The following ANO9 variants were observed in gnomAD, a reference collection of about 807,000 sequenced individuals.
ANO9 encodes the protein anoctamin-9.
ANO9 carries 80 observed loss-of-function variants against 100.5 expected under a neutral mutation model. The observed-to-expected ratio is 0.80, with a 90% CI of 0.66 to 0.96. The LOEUF (loss-of-function observed/expected upper bound fraction) is 0.96. Ranked by LOEUF, ANO9 falls within the 40% of genes least tolerant of loss-of-function variation. The pLI is 0.00. For synonymous variants in ANO9, 473 were observed against 435.6 expected (o/e 1.09, Z -1.07); for missense variants, 1,064 against 1,072.7 (o/e 0.99, Z 0.11).
At chr11:419,156 C>T (rs562191228) in intron 20 of ANO9, 167 bp from the exon 21 acceptor site, 52 of 1,444,676 alleles carry the variant, frequency 3.6e-5, no homozygotes, top group South Asian at 8.7e-5. Flanking sequence ...TCTTCACATC[C>T]GGGGGCCTTG....
Position 428,829 on chromosome 11 carries a change from G to T in ANO9, c.916-3C>A. ...ATGAGCTGAAGTGCCATTTCCTCCT[G>T]GGGAGAGCACCGGGCAAGCCTCAGA... On this transcript the variant is annotated splice_region_variant and splice_polypyrimidine_tract_variant and intron_variant, in intron 11 of 22. Transcript: ENST00000332826. 1 of 1,612,788 alleles carries T rather than the reference G, an allele frequency of 6.2e-7. No homozygotes were observed. The highest frequency in any genetic ancestry group is 8.5e-7 in the Non-Finnish European group (1 of 1,179,784).
chr11:427,243 A>AG (rs770326671), intron 15 of ANO9, among the ~76,000 whole-genome samples: 1 of 151,974 alleles, frequency 6.6e-6, no homozygotes, highest in Non-Finnish European at 1.5e-5. Context: ...CCAGCCACTC[A>AG]GGAGGCTGAG....
At chr11:429,017 C>T (rs1391233864) in intron 11 of ANO9, among the ~76,000 whole-genome samples, 191 bp from the exon 12 acceptor site, 3 of 131,678 alleles carry the variant, frequency 2.3e-5, no homozygotes, top group African/African-American at 6.0e-5. Context: ...TGGACAGACA[C>T]GGGACACTCA....
At chr11:427,957 C>T (rs1848619812) in intron 15 of ANO9, 131 bp downstream of exon 15, 1 of 315,050 alleles carries the variant, frequency 3.2e-6, no homozygotes, top group African/African-American at 2.2e-5. Context: ...GCTCACATGT[C>T]TCTAGATTGG....
intron 15 of ANO9, among the ~76,000 whole-genome samples, chr11:425,504 C>A (rs1848458592): frequency 2.0e-5 from 3 of 148,430 alleles, no homozygotes; most frequent in African/African-American, 7.5e-5. Flanking sequence ...ATAAATGTTA[C>A]AAATATGATG....
chr11:431,841 C>A lies in ANO9; in HGVS notation c.465+7G>T. 6.2e-7 allele frequency: 1 copy of A among 1,611,180 alleles called. No individual in the cohort carries two copies. The highest frequency in any genetic ancestry group is 8.5e-7 in the Non-Finnish European group (1 of 1,178,658). ...CAGGGCCCTCTCCAGGCCAGCCCAC[C>A]CCTCACCTTGTGCAGGGGGAACCTG... On this transcript the variant is annotated splice_region_variant and intron_variant, in intron 6 of 22. Coordinates refer to ENST00000332826, the MANE Select transcript of ANO9 (RefSeq NM_001012302.3).
At position 421,733 on chromosome 11, in the gene ANO9, C is replaced by A. The variant is rs924269565; in HGVS notation, c.1335-535G>T. Among the ~76,000 whole-genome samples, 1 of 152,206 alleles carries A rather than the reference C, an allele frequency of 6.6e-6. No homozygotes were observed. The highest frequency in any genetic ancestry group is 1.5e-5 in the Non-Finnish European group (1 of 68,038). ...GTTACGAGTGGCCTCGGTTTCTCCC[C>A]GTGGAAACGGCACGATGGGTTATTT... On this transcript the variant is annotated intron_variant, in intron 15 of 22. Transcript: ENST00000332826. This position sits in a 1 kb window ranked among gnomAD's most constrained non-coding sequence, Gnocchi z 6.8.
chr11:428,729 A>G lies in ANO9; in HGVS notation c.1013T>C (p.Leu338Pro), dbSNP rs1187545608. Residue 338 changes from leucine to proline, a missense_variant, in exon 12 of 23, where the codon CTG becomes CCG. Transcript: ENST00000332826. ...LRSTVILVLT[L>P]LMICLMIGMA... ...GCGGTGTCCCCTGCGTACCATGAGC[A>G]GGGTCAGGACGAGGATGACGGTGCT... 6.2e-7 allele frequency: 1 copy of G among 1,613,150 alleles called. No homozygotes were observed. The highest frequency in any genetic ancestry group is 1.3e-5 in the African/African-American group (1 of 74,942).
intron 1 of ANO9, among the ~76,000 whole-genome samples, chr11:436,700 G>A (rs1257725682): frequency 2.1e-5 from 2 of 95,784 alleles, no homozygotes; most frequent in Admixed American, 1.2e-4. Context: ...GTGAGCAGGG[G>A]GTAAGCAGGG....
intron 7 of ANO9, 38 bp from the exon 8 acceptor site, chr11:430,441 C>T (rs375510350): frequency 1.0e-4 from 75 of 732,978 alleles, no homozygotes; most frequent in African/African-American, 5.0e-4. Flanking sequence ...TGTCAGGGGG[C>T]GGTGGGGGAG....
chr11:424,548 T>C (rs2133686362), intron 15 of ANO9, among the ~76,000 whole-genome samples: 1 of 152,304 alleles, frequency 6.6e-6, no homozygotes, highest in Middle Eastern at 3.4e-3. Flanking sequence ...GGGCAATGGA[T>C]GTAGCTACTA....
intron 11 of ANO9, among the ~76,000 whole-genome samples, chr11:429,267 CA>C (rs1848731377): frequency 7.2e-6 from 1 of 139,536 alleles, no homozygotes; most frequent in Non-Finnish European, 1.5e-5. Flanking sequence ...GGTGGACAGA[CA>C]CGGGACACTC....
Position 421,008 on chromosome 11 carries a change from A to T in ANO9, c.1427T>A (p.Val476Glu). The change falls in exon 17 of 23, where the codon GTG becomes GAG. Residue 476 changes from valine (V) to glutamate (E), a missense_variant. Coordinates refer to ENST00000332826, the MANE Select transcript of ANO9 (RefSeq NM_001012302.3). The surrounding 1 kb of genome is among the most constrained non-coding windows in gnomAD (Gnocchi z 6.8). ...CAGGCCCATGATGATGGCCATCTGC[A>T]CGAAGAGGTCCATCATGCAGCCGCT... ...HASGCMMDLF[V>E]QMAIIMGLKQ... 6.2e-7 allele frequency: 1 copy of T among 1,605,986 alleles called. No individual in the cohort carries two copies. The highest frequency in any genetic ancestry group is 8.5e-7 in the Non-Finnish European group (1 of 1,174,682).
intron 1 of ANO9, among the ~76,000 whole-genome samples, chr11:435,045 C>T (rs1332710030): frequency 6.6e-6 from 1 of 152,162 alleles, no homozygotes; most frequent in Non-Finnish European, 1.5e-5. Context: ...GCCACCCAGT[C>T]ACACCTGATT....
At chr11:441,729 C>G (rs1357465830) in intron 1 of ANO9, among the ~76,000 whole-genome samples, 192 bp downstream of exon 1, 3 of 152,172 alleles carry the variant, frequency 2.0e-5, no homozygotes, top group Non-Finnish European at 4.4e-5. Flanking sequence ...CCCCAGCGTG[C>G]CCCAGGAGTC....
At chr11:435,195 C>T (rs556278518) in intron 1 of ANO9, among the ~76,000 whole-genome samples, 1 of 151,704 alleles carries the variant, frequency 6.6e-6, no homozygotes, top group Non-Finnish European at 1.5e-5. Context: ...CATAGGATAG[C>T]ATAGCATAGT....
chr11:425,044 C>T (rs1401678184), intron 15 of ANO9, among the ~76,000 whole-genome samples: 14 of 109,122 alleles, frequency 1.3e-4, no homozygotes, highest in Non-Finnish European at 5.5e-5. Context: ...ACGGGACGCG[C>T]GGGAGGAAAA....
chr11:433,865 G>A lies in ANO9; in HGVS notation c.154C>T (p.Arg52Trp), dbSNP rs762968393. ...AGCTCCTCCAGGAACTGTTGCTGCC[G>A]CGCCTGCCGGGGGTCTCTCTGGGTG... is the stretch of plus-strand genomic sequence containing the variant. The part of the protein sequence containing the change: ...RHTQRDPRQA[R>W]QQQFLEELRR... Residue 52 changes from arginine to tryptophan, a missense_variant, in exon 3 of 23, where the codon CGG becomes TGG. By Grantham distance (101) the Arg-to-Trp change is moderately radical. Coordinates refer to ENST00000332826, the MANE Select transcript of ANO9 (RefSeq NM_001012302.3). 20 of 1,563,202 alleles carry A rather than the reference G, an allele frequency of 1.3e-5. No individual in the cohort carries two copies. In the South Asian group the frequency reaches 1.9e-4, roughly 15 times the overall value.
At chr11:435,536 C>A (rs1354103864) in intron 1 of ANO9, among the ~76,000 whole-genome samples, 1 of 130,094 alleles carries the variant, frequency 7.7e-6, no homozygotes, top group African/African-American at 3.1e-5. Context: ...CTAGTCTAGT[C>A]TAGTCTAGTA....
Sources: allele counts gnomAD v4.1 joint callset (sites outside exome capture counted in the v4.1 genomes callset), GRCh38; gene constraint gnomAD v4.1.1; non-coding constraint Gnocchi (gnomAD v3.1); transcripts MANE v1.5; gene names NCBI Gene and HGNC (gene_info 2026-07-23, HGNC 2026-07-21).